GRHPR: variants seen among roughly 807,000 people sequenced by gnomAD.
GRHPR encodes glyoxylate reductase/hydroxypyruvate reductase.
In GRHPR, 35 loss-of-function variants were observed where a neutral mutation model predicts 36.8. That is an observed-to-expected ratio of 0.95 (90% CI 0.73 to 1.26). GRHPR has a LOEUF of 1.26. Among genes scored for constraint, GRHPR ranks in the 50% most tolerant of loss-of-function variants. The pLI, the probability that GRHPR is intolerant of heterozygous loss-of-function variation, is 0.00. For synonymous variants in GRHPR, 179 were observed against 181.0 expected (o/e 0.99, Z 0.09); for missense variants, 380 against 435.0 (o/e 0.87, Z 1.12).
rs372788577 is a variant in GRHPR at position 37,432,215 on chromosome 9, G to A, written c.865+77G>A. On this transcript the variant is annotated intron_variant, in intron 8 of 8. Coordinates refer to ENST00000318158, the MANE Select transcript of GRHPR (RefSeq NM_012203.2). ...GTTTTTGAGGGGGTCCCAAGGGGCCGGGTGTGGAGCTAGTGTGAGCAGGTG... is the reference window on the plus strand; with the variant it reads ...GTTTTTGAGGGGGTCCCAAGGGGCCAGGTGTGGAGCTAGTGTGAGCAGGTG... The A allele has an allele frequency of 3.7e-4, 526 of 1,439,800 alleles. 6 individuals are homozygous for A. The highest frequency in any genetic ancestry group is 2.1e-3 in the South Asian group (184 of 86,072). The allele number at this position is 1,439,800 out of a possible 1,614,324, so 89.2% of individuals were successfully genotyped here. A position where few individuals can be genotyped will look rare whatever the true frequency, so the allele number is the denominator to read the frequency against.
chr9:37,436,784 C>CAA lies in GRHPR; in HGVS notation c.*4_*5dup, dbSNP rs768803443. 1 of 1,613,962 alleles carries CAA rather than the reference C, an allele frequency of 6.2e-7. No individual in the cohort carries two copies. The highest frequency in any genetic ancestry group is 1.1e-5 in the South Asian group (1 of 91,070). ...ATGCCTAGTGAACTCAAGCTGTAGCCAAACAGTAGAGATGGAGGGCCGGGA... is the reference window on the plus strand; with the variant it reads ...ATGCCTAGTGAACTCAAGCTGTAGCCAAAAACAGTAGAGATGGAGGGCCGGGA... On this transcript the variant is annotated 3_prime_UTR_variant, in exon 9 of 9. Transcript: ENST00000318158.
chr9:37,429,668 A>T (rs756845325), intron 5 of GRHPR, 64 bp from the exon 6 acceptor site: 52 of 1,064,244 alleles, frequency 4.9e-5, no homozygotes, highest in Non-Finnish European at 7.2e-5. Flanking sequence ...TGTTCCAGAA[A>T]TGCTGGGTGG....
chr9:37,428,665 A>G (rs1238199113), intron 5 of GRHPR, 93 bp downstream of exon 5: 2 of 839,588 alleles, frequency 2.4e-6, no homozygotes, highest in Non-Finnish European at 4.1e-6. Context: ...GAAGACCCAC[A>G]TGCTGTCAGG....
chr9:37,439,067 T>C (rs1823798492), downstream of GRHPR: 1 of 152,196 alleles, frequency 6.6e-6, no homozygotes, highest in African/African-American at 2.4e-5. Context: ...TTGGTATGTC[T>C]AAGAAAGCTA....
At chr9:37,430,360 C>T (rs1823299703) in intron 6 of GRHPR, 151 bp from the exon 7 acceptor site, 3 of 733,318 alleles carry the variant, frequency 4.1e-6, no homozygotes, top group African/African-American at 3.4e-5. Flanking sequence ...TGACTTTGTG[C>T]ACTCATGAGA....
In GRHPR at chr9:37,428,463, TG is replaced by T; in HGVS notation, c.405-20del. On this transcript the variant is annotated intron_variant, in intron 4 of 8. Coordinates refer to ENST00000318158, the MANE Select transcript of GRHPR (RefSeq NM_012203.2). ...TTGGTCCAAGGCTGGGCCTCTCACC[TG>T]CCCCTCTCTCTCCCCTCAGTGGTGG... 1 of 1,538,956 alleles carries T rather than the reference TG, an allele frequency of 6.5e-7. No homozygotes were observed. Among genetic ancestry groups the T allele is most frequent in the Non-Finnish European group, 9.0e-7 (1 of 1,112,768 alleles).
At position 37,432,626 on chromosome 9, in the gene GRHPR, C is replaced by T. The variant is rs545517766; in HGVS notation, c.865+488C>T. 3.4e-5 allele frequency: 7 copies of T among 208,094 alleles called. No individual in the cohort carries two copies. The East Asian group carries it at 5.9e-4, about 18-fold the overall frequency. 12.9% of individuals were successfully genotyped at this position (208,094 alleles called of 1,614,324 possible). ...CCAGGAGGCACAGGTTGCAGTAGGC[C>T]GAGATTGTGCCACTGCACTCCAGCC... On this transcript the variant is annotated intron_variant, in intron 8 of 8. Coordinates refer to ENST00000318158, the MANE Select transcript of GRHPR (RefSeq NM_012203.2).
rs755995624 is a variant in GRHPR at position 37,429,801 on chromosome 9, G to C, written c.563G>C (p.Arg188Thr). The C allele has an allele frequency of 6.2e-7, 1 of 1,612,546 alleles. No homozygotes were observed. Among genetic ancestry groups the C allele is most frequent in the Non-Finnish European group, 8.5e-7 (1 of 1,178,448 alleles). ...QRFLYTGRQP[R>T]PEEAAEFQAE... ...TTTCTGTACACAGGGCGCCAGCCCA[G>C]GCCTGAGGAAGCAGCAGAATTCCAG... Residue 188 changes from arginine (R) to threonine (T), a missense_variant, in exon 6 of 9, where the codon AGG becomes ACG. Physicochemically the swap from Arg to Thr is moderately conservative, Grantham distance 71. Coordinates refer to ENST00000318158, the MANE Select transcript of GRHPR (RefSeq NM_012203.2).
downstream of GRHPR, chr9:37,438,655 A>G (rs1021907093): frequency 1.3e-5 from 2 of 152,226 alleles, no homozygotes; most frequent in African/African-American, 4.8e-5. Flanking sequence ...AGGGCCTCTC[A>G]TTTTCTCCAG....
chr9:37,424,340 G>A (rs913736496), intron 1 of GRHPR, among the ~76,000 whole-genome samples: 2 of 152,262 alleles, frequency 1.3e-5, no homozygotes, highest in Non-Finnish European at 2.9e-5. Flanking sequence ...AGGAGGCACC[G>A]TGCATCACTG....
At chr9:37,422,546 G>A, upstream of GRHPR, 1 of 633,744 alleles carries the variant, frequency 1.6e-6, no homozygotes, top group Non-Finnish European at 2.9e-6. Flanking sequence ...AGGACACTGT[G>A]TAGGGTCACT....
rs77910378 is a variant in GRHPR at position 37,427,291 on chromosome 9, T to G, written c.404+637T>G. 2.5e-3 allele frequency among the ~76,000 whole-genome samples: 375 copies of G among 152,216 alleles called. 1 individual carries two copies. Among genetic ancestry groups the G allele is most frequent in the African/African-American group, 8.8e-3 (365 of 41,518 alleles). On this transcript the variant is annotated intron_variant, in intron 4 of 8. Coordinates refer to ENST00000318158, the MANE Select transcript of GRHPR (RefSeq NM_012203.2). ...GTCCACCATCCCTTAGATCCCAAAA[T>G]CTAAAAAGCTCGGACAGCTGAAAGT... is the stretch of plus-strand genomic sequence containing the variant.
chr9:37,425,908 TTTCTGCA>T lies in GRHPR; in HGVS notation c.215-13_215-7del, dbSNP rs780759944. On this transcript the variant is annotated splice_polypyrimidine_tract_variant and splice_region_variant and intron_variant, in intron 2 of 8. Coordinates refer to ENST00000318158, the MANE Select transcript of GRHPR (RefSeq NM_012203.2). ...TCGAGGAAAGATACTAACAATGCACTTTCTGCACAACAGGGGCCAATCTCAAAGTCAT... is the reference window on the plus strand; with the variant it reads ...TCGAGGAAAGATACTAACAATGCACTCAACAGGGGCCAATCTCAAAGTCAT... 5.6e-6 allele frequency: 9 copies of T among 1,603,328 alleles called. No individual in the cohort carries two copies. In the Admixed American group the frequency reaches 1.5e-4, roughly 27 times the overall value.
intron 8 of GRHPR, chr9:37,434,260 A>AC (rs1564303781): frequency 2.4e-6 from 1 of 420,432 alleles, no homozygotes; most frequent in African/African-American, 2.0e-5. Context: ...ACAGCTGATG[A>AC]CCCCAGTGAT....
At chr9:37,425,077 T>C in intron 2 of GRHPR, 102 bp downstream of exon 2, 1 of 1,238,468 alleles carries the variant, frequency 8.1e-7, no homozygotes, top group African/African-American at 1.5e-5. Flanking sequence ...GTCTGGGTTC[T>C]GAGGGCGTTT....
chr9:37,434,423 G>T, intron 8 of GRHPR: 1 of 549,798 alleles, frequency 1.8e-6, no homozygotes, highest in Non-Finnish European at 3.3e-6. Context: ...CAAGGGGTCA[G>T]ACTGTGTAGA....
At chr9:37,425,104 C>T (rs1010532038) in intron 2 of GRHPR, 129 bp downstream of exon 2, 28 of 920,592 alleles carry the variant, frequency 3.0e-5, no homozygotes, top group African/African-American at 8.1e-5. Context: ...ATACCAGGCC[C>T]GAGCGGGCAG....
intron 8 of GRHPR, among the ~76,000 whole-genome samples, chr9:37,435,724 A>C (rs1320890602): frequency 6.6e-6 from 1 of 152,204 alleles, no homozygotes; most frequent in East Asian, 1.9e-4. Context: ...CTATTACAAT[A>C]ATGATAAAAT....
At chr9:37,431,862 G>A (rs942556789) in intron 7 of GRHPR, 146 bp from the exon 8 acceptor site, 1 of 803,390 alleles carries the variant, frequency 1.2e-6, no homozygotes, top group Admixed American at 2.0e-5. Flanking sequence ...AAGACTTACA[G>A]ACATACTGTA....
Sources: allele counts gnomAD v4.1 joint callset (sites outside exome capture counted in the v4.1 genomes callset), GRCh38; gene constraint gnomAD v4.1.1; transcripts MANE v1.5; gene names NCBI Gene and HGNC (gene_info 2026-07-23, HGNC 2026-07-21).